The following ARL15 variants were observed in gnomAD, a reference collection of about 807,000 sequenced individuals.
ARL15 encodes the protein ADP-ribosylation factor-like protein 15.
A neutral mutation model predicts 25.2 loss-of-function variants in ARL15; 19 were observed. That is an observed-to-expected ratio of 0.75 (90% confidence interval 0.53 to 1.10). ARL15 has a LOEUF of 1.10. Among genes scored for constraint, ARL15 ranks in the 50% least tolerant of loss-of-function variants. The pLI is 0.00. For missense variants in ARL15, 220 were observed against 246.0 expected, an observed-to-expected ratio of 0.89 and a Z score of 0.71; for synonymous variants, 94 against 86.8, an observed-to-expected ratio of 1.08 and a Z score of -0.46.
intron 4 of ARL15, among the ~76,000 whole-genome samples, chr5:54,077,671 A>G (rs902719500): frequency 4.6e-5 from 7 of 152,200 alleles, no homozygotes; most frequent in African/African-American, 1.7e-4. Context: ...TGGAGTGTGT[A>G]CAACAACAGC....
chr5:54,048,845 C>T (rs1296739608), intron 4 of ARL15, among the ~76,000 whole-genome samples: 3 of 150,272 alleles, frequency 2.0e-5, no homozygotes, highest in South Asian at 4.2e-4. Flanking sequence ...TGGCCCTGAA[C>T]TGACACATTC....
At position 53,886,684 on chromosome 5, in the gene ARL15, A is replaced by C; in HGVS notation, c.492T>G (p.Leu164=). ...EIKKYFELEP[L]ARGKRWILQP... is the part of the protein sequence containing the mutation. ...GTAGAATCCAGCGTTTTCCACGTGC[A>C]AGTGGTTCAAGTTCAAAATATTTTT... Residue 164 remains leucine, a synonymous_variant, in exon 5 of 5, where the codon CTT becomes CTG. Transcript: ENST00000504924. 1.9e-6 allele frequency: 3 copies of C among 1,566,374 alleles called. No individual in the cohort carries two copies. Among genetic ancestry groups the C allele is most frequent in the Non-Finnish European group, 2.6e-6 (3 of 1,155,804 alleles).
At chr5:54,146,960 T>C (rs1753930783) in intron 3 of ARL15, among the ~76,000 whole-genome samples, 1 of 152,178 alleles carries the variant, frequency 6.6e-6, no homozygotes, top group South Asian at 2.1e-4. Context: ...GGCCCCTAGA[T>C]TCATTTATTT....
At chr5:54,042,822 T>C (rs964599825) in intron 4 of ARL15, among the ~76,000 whole-genome samples, 1 of 152,154 alleles carries the variant, frequency 6.6e-6, no homozygotes. Flanking sequence ...GGGTGGGGTG[T>C]AACACGGCTA....
At chr5:54,253,979 T>A (rs1449047682) in intron 1 of ARL15, among the ~76,000 whole-genome samples, 9 of 152,196 alleles carry the variant, frequency 5.9e-5, no homozygotes. Context: ...ATTTTGGCAA[T>A]CTTTGAAGAT....
chr5:54,108,086 A>C (rs1752640562), intron 4 of ARL15, among the ~76,000 whole-genome samples: 1 of 152,282 alleles, frequency 6.6e-6, no homozygotes, highest in Admixed American at 6.5e-5. Flanking sequence ...TAGTACTTAC[A>C]GCTTAAAAGT....
intron 4 of ARL15, among the ~76,000 whole-genome samples, chr5:53,973,806 T>C (rs905167340): frequency 2.0e-5 from 3 of 152,090 alleles, no homozygotes; most frequent in African/African-American, 7.2e-5. Context: ...AATGATGTTT[T>C]AGTTTCTGTG....
intron 1 of ARL15, among the ~76,000 whole-genome samples, chr5:54,298,020 A>ACCTTGTGG (rs1758511766): frequency 1.3e-5 from 2 of 151,536 alleles, no homozygotes; most frequent in Admixed American, 1.3e-4. Context: ...TGACCTCGTG[A>ACCTTGTGG]TCCGCCCGCC....
chr5:54,039,684 C>T (rs61446168), intron 4 of ARL15, among the ~76,000 whole-genome samples: 24 of 151,122 alleles, frequency 1.6e-4, no homozygotes, highest in Non-Finnish European at 3.4e-4. Flanking sequence ...ATGCTGTAAT[C>T]TCAGCTACTT....
intron 4 of ARL15, among the ~76,000 whole-genome samples, chr5:54,031,617 A>G (rs1749985356): frequency 6.6e-6 from 1 of 152,200 alleles, no homozygotes; most frequent in East Asian, 1.9e-4. Context: ...GTTTATTCAG[A>G]GCTGCATCAT....
At chr5:53,943,855 T>A (rs1023348276) in intron 4 of ARL15, among the ~76,000 whole-genome samples, 7 of 152,046 alleles carry the variant, frequency 4.6e-5, no homozygotes, top group South Asian at 2.1e-4. Flanking sequence ...TGAATGATGG[T>A]CAGAATCAAC....
rs59849921 is a variant in ARL15, at chr5:53,937,837, A to AG, written c.463-51125dup. On this transcript the variant is annotated intron_variant, in intron 4 of 4. Transcript: ENST00000504924. Reference sequence around the variant, plus strand: ...CACTATGAAATGGCAAAAAAAAAAAAGGGGTGGAGTGGGGTGGGGTGAAGT... The same window carrying AG: ...CACTATGAAATGGCAAAAAAAAAAAAGGGGGTGGAGTGGGGTGGGGTGAAGT... Among the ~76,000 whole-genome samples, 53 of 146,536 alleles carry AG rather than the reference A, an allele frequency of 3.6e-4. 1 individual carries two copies. Among genetic ancestry groups the AG allele is most frequent in the African/African-American group, 9.8e-4 (40 of 40,680 alleles).
chr5:53,918,696 C>T (rs1257692148), intron 4 of ARL15, among the ~76,000 whole-genome samples: 1 of 152,004 alleles, frequency 6.6e-6, no homozygotes, highest in African/African-American at 2.4e-5. Context: ...AAATATGAAG[C>T]TCTTAAAATC....
chr5:54,007,525 G>A (rs1487227313), intron 4 of ARL15, among the ~76,000 whole-genome samples: 3 of 152,084 alleles, frequency 2.0e-5, no homozygotes, highest in Non-Finnish European at 4.4e-5. Flanking sequence ...AAGAAAGAGT[G>A]GCCAGGCGCG....
chr5:53,968,643 C>A (rs1370064086), intron 4 of ARL15, among the ~76,000 whole-genome samples: 1 of 151,942 alleles, frequency 6.6e-6, no homozygotes, highest in East Asian at 2.0e-4. Flanking sequence ...ACGGGCTTAC[C>A]ACTTGATATA....
intron 4 of ARL15, among the ~76,000 whole-genome samples, chr5:53,908,078 CATT>C (rs1745330811): frequency 3.3e-5 from 5 of 152,242 alleles, no homozygotes; most frequent in Admixed American, 3.3e-4. Context: ...TCCGTGGTTT[CATT>C]TTCCTTGCTA....
intron 4 of ARL15, among the ~76,000 whole-genome samples, chr5:53,914,898 C>A (rs993086623): frequency 3.3e-5 from 5 of 152,294 alleles, no homozygotes; most frequent in African/African-American, 1.2e-4. Flanking sequence ...GCAACCTCCA[C>A]CTCTCTGGTT....
intron 4 of ARL15, among the ~76,000 whole-genome samples, chr5:53,920,047 T>C (rs1192364028): frequency 6.6e-6 from 1 of 152,156 alleles, no homozygotes; most frequent in Non-Finnish European, 1.5e-5. Context: ...TGCTCAAAAA[T>C]TGGTAGCTTT....
chr5:54,240,167 C>A (rs1302639217), intron 1 of ARL15, among the ~76,000 whole-genome samples: 1 of 150,632 alleles, frequency 6.6e-6, no homozygotes, highest in Non-Finnish European at 1.5e-5. Context: ...GCGGAGCTTG[C>A]AGTGAGCCGA....
Sources: allele counts gnomAD v4.1 joint callset (sites outside exome capture counted in the v4.1 genomes callset), GRCh38; gene constraint gnomAD v4.1.1; transcripts MANE v1.5; gene names NCBI Gene and HGNC (gene_info 2026-07-23, HGNC 2026-07-21).